SOX30: variants seen among roughly 807,000 people sequenced by gnomAD.
SOX30 encodes SRY-box transcription factor 30.
Under a neutral mutation model 58.6 loss-of-function variants are expected in SOX30, and 17 were observed. The ratio of observed to expected loss-of-function variants is 0.29; its 90% confidence interval spans 0.20 to 0.44. The LOEUF is 0.44. SOX30 is among the 20% of genes least tolerant of loss of function. The pLI is 1.00. For missense variants in SOX30, 951 were observed against 965.8 expected (o/e 0.98, Z 0.20); for synonymous variants, 421 against 400.2 (o/e 1.05, Z -0.62).
intron 1 of SOX30, chr5:157,667,950 A>T (rs1299108795): frequency 3.0e-6 from 4 of 1,313,574 alleles, no homozygotes; most frequent in Non-Finnish European, 4.2e-6. Context: ...AACACTTGTC[A>T]GGCATCACGC....
chr5:157,651,419 G>A lies in SOX30; in HGVS notation c.660C>T (p.Leu220=). 5 of 1,613,538 alleles carry A rather than the reference G, an allele frequency of 3.1e-6. No individual in the cohort carries two copies. Among genetic ancestry groups the A allele is most frequent in the Non-Finnish European group, 4.2e-6 (5 of 1,180,046 alleles). Residue 220 remains leucine (L), a synonymous_variant, in exon 1 of 5, where the codon CTC becomes CTT. Transcript: ENST00000265007. ...CCGCGCCGAGCCTGCAGTCCTCGAG[G>A]AGTCTCTCGGGTTCCTCCGTTTTGA... ...GVIKTEEPER[L]LEDCRLGAEP...
Position 157,626,263 on chromosome 5 carries a change from CT to C in SOX30, c.*76del, listed in dbSNP as rs142008369. 7.3e-3 allele frequency: 8,583 copies of C among 1,181,760 alleles called. 138 individuals carry two copies. Among genetic ancestry groups the C allele is most frequent in the African/African-American group, 0.07 (4,491 of 63,742 alleles). 73.2% of individuals were successfully genotyped at this position (1,181,760 alleles called of 1,614,324 possible). A position where few individuals can be genotyped will look rare whatever the true frequency, so the allele number is the denominator to read the frequency against. ...AAAACTTTCAACAAAGAATTCTAGG[CT>C]TTTTTTTTTCTCATACCAACTGACC... On this transcript the variant is annotated 3_prime_UTR_variant, in exon 5 of 5. Transcript: ENST00000265007.
At chr5:157,636,977 A>C (rs11960634) in intron 4 of SOX30, among the ~76,000 whole-genome samples, 1,545 of 151,964 alleles carry the variant, frequency 0.01, 30 homozygotes, top group African/African-American at 0.035. Flanking sequence ...AAAACACACA[A>C]AAAAAATTAG....
At chr5:157,642,840 G>A (rs1019594500) in intron 3 of SOX30, among the ~76,000 whole-genome samples, 1 of 152,118 alleles carries the variant, frequency 6.6e-6, no homozygotes, top group Non-Finnish European at 1.5e-5. Context: ...TTTACAAAAA[G>A]GAGAGAATCG....
chr5:157,671,279 CG>C, intron 1 of SOX30: 1 of 296,058 alleles, frequency 3.4e-6, no homozygotes, highest in South Asian at 8.8e-5. Context: ...GCCAGCAGGC[CG>C]GGGTCACTGC....
chr5:157,628,365 T>TCACACACACACACACA (rs70984476), intron 4 of SOX30, among the ~76,000 whole-genome samples: 24 of 139,706 alleles, frequency 1.7e-4, no homozygotes, highest in African/African-American at 6.0e-4. Flanking sequence ...TTTCTGGCCT[T>TCACACACACACACACA]CACACACACA....
At chr5:157,628,841 A>G (rs907255689) in intron 4 of SOX30, among the ~76,000 whole-genome samples, 1 of 152,028 alleles carries the variant, frequency 6.6e-6, no homozygotes, top group Non-Finnish European at 1.5e-5. Flanking sequence ...GGGTTTCACC[A>G]TGTTGGCCAG....
intron 4 of SOX30, among the ~76,000 whole-genome samples, chr5:157,628,640 CTTCT>C (rs1758718809): frequency 6.8e-6 from 1 of 146,064 alleles, no homozygotes; most frequent in African/African-American, 2.7e-5. Context: ...ATACACTGTG[CTTCT>C]TTTTTTTTTT....
Position 157,651,980 on chromosome 5 carries a change from G to A in SOX30, c.99C>T (p.Ala33=), listed in dbSNP as rs1759363894. ...PVEGTSFWAA[A]MEPPPSSPTL... The stretch of plus-strand genomic sequence containing the variant: ...TGGGAGACGACGGAGGGGGCTCCAT[G>A]GCTGCTGCCCAAAAGGAGGTGCCCT... The change falls in exon 1 of 5, where the codon GCC becomes GCT. Residue 33 remains alanine (A), a synonymous_variant. Coordinates refer to ENST00000265007, the MANE Select transcript of SOX30 (RefSeq NM_178424.2). 2.1e-6 allele frequency: 3 copies of A among 1,451,138 alleles called. No homozygotes were observed. The highest frequency in any genetic ancestry group is 2.6e-5 in the Admixed American group (1 of 38,174). 89.9% of individuals were successfully genotyped at this position (1,451,138 alleles called of 1,614,324 possible).
intron 1 of SOX30, among the ~76,000 whole-genome samples, chr5:157,650,808 T>C (rs1051961398): frequency 6.6e-6 from 1 of 152,232 alleles, no homozygotes; most frequent in African/African-American, 2.4e-5. Context: ...TTGTAGCATA[T>C]AAACTGAGGG....
chr5:157,665,360 A>C (rs1003786586), intron 2 of SOX30, among the ~76,000 whole-genome samples: 2 of 152,180 alleles, frequency 1.3e-5, no homozygotes, highest in African/African-American at 4.8e-5. Flanking sequence ...AAAAAACCAA[A>C]CATCGCATGT....
chr5:157,627,810 C>T (rs1053057546), intron 4 of SOX30, among the ~76,000 whole-genome samples: 8 of 152,040 alleles, frequency 5.3e-5, no homozygotes, highest in East Asian at 3.9e-4. Flanking sequence ...CTGGCTAACA[C>T]GGTGAAACCC....
intron 2 of SOX30, among the ~76,000 whole-genome samples, chr5:157,657,625 G>A (rs990326444): frequency 4.6e-5 from 7 of 152,204 alleles, no homozygotes; most frequent in African/African-American, 1.7e-4. Flanking sequence ...TTAAAATGCT[G>A]CTGATCCTTT....
At chr5:157,658,756 TC>T (rs1278611023) in intron 2 of SOX30, among the ~76,000 whole-genome samples, 2 of 152,192 alleles carry the variant, frequency 1.3e-5, no homozygotes, top group Non-Finnish European at 1.5e-5. Context: ...GGGGGTAATG[TC>T]AGGCGTGTGA....
At chr5:157,660,820 C>G (rs966840426) in intron 2 of SOX30, among the ~76,000 whole-genome samples, 1 of 152,096 alleles carries the variant, frequency 6.6e-6, no homozygotes, top group Non-Finnish European at 1.5e-5. Context: ...TTAGGTTCAT[C>G]ATATCAATTT....
rs147900616 is a variant in SOX30, at chr5:157,632,762, G to A, written c.1880+5468C>T. Among the ~76,000 whole-genome samples the A allele has an allele frequency of 3.2e-3, 482 of 152,220 alleles. 4 individuals carry two copies. Among genetic ancestry groups the A allele is most frequent in the African/African-American group, 0.011 (446 of 41,528 alleles). ...CTTTCTGTGCTTTACCTGGATCAACGACAAAAATTTTATATTCCTTTTATC... is the reference window on the plus strand; with the variant it reads ...CTTTCTGTGCTTTACCTGGATCAACAACAAAAATTTTATATTCCTTTTATC... On this transcript the variant is annotated intron_variant, in intron 4 of 4. Coordinates refer to ENST00000265007, the MANE Select transcript of SOX30 (RefSeq NM_178424.2).
rs1759360974 is a variant in SOX30, at chr5:157,651,928, A to G, written c.151T>C (p.Leu51=). ...ACTGCCTCCCCGCACGACGAGGCCA[A>G]GGTCGCACTGGCTGCCGCGCTCAGT... The part of the protein sequence containing the change: ...PTLSAAASAT[L]ASSCGEAVAS... The change falls in exon 1 of 5, where the codon TTG becomes CTG. Residue 51 remains leucine, a synonymous_variant. Coordinates refer to ENST00000265007, the MANE Select transcript of SOX30 (RefSeq NM_178424.2). 1.3e-6 allele frequency: 2 copies of G among 1,502,908 alleles called. No individual in the cohort carries two copies. The highest frequency in any genetic ancestry group is 2.4e-5 in the East Asian group (1 of 41,552). 93.1% of individuals were successfully genotyped at this position (1,502,908 alleles called of 1,614,324 possible). A position where few individuals can be genotyped will look rare whatever the true frequency, so the allele number is the denominator to read the frequency against.
intron 4 of SOX30, 58 bp from the exon 5 acceptor site, chr5:157,626,779 C>G: frequency 6.6e-7 from 1 of 1,514,610 alleles, no homozygotes. Flanking sequence ...GCCTTGCATA[C>G]AGACTAACAG....
intron 1 of SOX30, among the ~76,000 whole-genome samples, chr5:157,650,610 C>T (rs902112388): frequency 3.3e-5 from 5 of 152,156 alleles, no homozygotes; most frequent in South Asian, 2.1e-4. Context: ...TAAAATATTA[C>T]ATTGAATCAC....
Sources: gnomAD v4.1 joint callset for allele counts (sites outside exome capture counted in the v4.1 genomes callset) on GRCh38, gnomAD v4.1.1 for gene constraint, MANE v1.5 for transcripts, NCBI Gene and HGNC (gene_info 2026-07-23, HGNC 2026-07-21) for gene names.